AQR: variants seen among roughly 807,000 people sequenced by gnomAD.
AQR encodes the protein aquarius intron-binding spliceosomal factor, also known as RNA helicase aquarius.
In AQR, 61 loss-of-function variants were observed where a neutral mutation model predicts 180.5. The ratio of observed to expected loss-of-function variants is 0.34; its 90% CI spans 0.28 to 0.42. The LOEUF (loss-of-function observed/expected upper bound fraction) is 0.42, where lower values mean the gene tolerates loss of function less well. AQR is among the 10% of genes least tolerant of loss of function. The probability of loss-of-function intolerance (pLI) is 1.00; values close to 1 mark genes in which losing one functional copy is unlikely to be tolerated. For synonymous variants in AQR, 551 were observed against 588.8 expected (o/e 0.94, Z 0.93); for missense variants, 1,281 against 1,798.3 (o/e 0.71, Z 5.20).
chr15:34,902,442 G>A (rs995137345), intron 19 of AQR, among the ~76,000 whole-genome samples: 1 of 152,070 alleles, frequency 6.6e-6, no homozygotes, highest in Admixed American at 6.5e-5. Context: ...CTAAACATAG[G>A]CAAGTTAATC....
At position 34,945,038 on chromosome 15, in the gene AQR, A is replaced by C. The variant is rs187701261; in HGVS notation, c.331-610T>G. ...TCCTATGGACCCTTATTAACTCTCA[A>C]CTCCTTTTCACCATATTGAAGGCTC... On this transcript the variant is annotated intron_variant, in intron 5 of 34. Transcript: ENST00000156471. Among the ~76,000 whole-genome samples, 249 of 151,748 alleles carry C rather than the reference A, an allele frequency of 1.6e-3. 1 individual carries two copies. Among genetic ancestry groups the C allele is most frequent in the African/African-American group, 5.8e-3 (242 of 41,370 alleles).
In AQR at chr15:34,873,834, G is replaced by A. The variant is rs1566979841; in HGVS notation, c.3591C>T (p.Phe1197=). The change falls in exon 30 of 35, where the codon TTC becomes TTT. Residue 1197 remains phenylalanine (F), a synonymous_variant. Transcript: ENST00000156471. ...GCTTCCTATTTTTTCTTACCTGATA[G>A]AAGTAAGGATTAGGTTCAGATTCTC... The part of the protein sequence containing the change: ...GVGESEPNPY[F]YQNLGEAEYV... 1.9e-6 allele frequency: 3 copies of A among 1,574,226 alleles called. No homozygotes were observed. Among genetic ancestry groups the A allele is most frequent in the Non-Finnish European group, 2.6e-6 (3 of 1,159,978 alleles).
At chr15:34,963,364 G>T (rs190970385) in intron 2 of AQR, among the ~76,000 whole-genome samples, 3 of 152,196 alleles carry the variant, frequency 2.0e-5, no homozygotes, top group Non-Finnish European at 1.5e-5. Context: ...AATTGCTTCA[G>T]TTGGACTTAT....
At chr15:34,918,498 TTTC>T (rs1207436517) in intron 14 of AQR, 120 bp from the exon 15 acceptor site, 2 of 1,174,578 alleles carry the variant, frequency 1.7e-6, no homozygotes, top group Admixed American at 5.4e-5. Context: ...GCGATTTTTT[TTTC>T]TTTTCCTATT....
intron 22 of AQR, among the ~76,000 whole-genome samples, chr15:34,895,187 AAT>A (rs1180797707): frequency 0.028 from 367 of 12,954 alleles, 11 homozygotes; most frequent in East Asian, 0.099. Context: ...AAAAAAAAAA[AAT>A]ATATATATAT....
chr15:34,895,170 AAAAAAAAAAAAAAAAAAAT>A (rs1359365638), intron 22 of AQR, among the ~76,000 whole-genome samples: 2 of 46,256 alleles, frequency 4.3e-5, no homozygotes, highest in African/African-American at 1.2e-4. Context: ...AAAAAAAAAA[AAAAAAAAAAAAAAAAAAAT>A]ATATATATAT....
intron 27 of AQR, among the ~76,000 whole-genome samples, chr15:34,878,664 A>C (rs1217824554): frequency 6.6e-6 from 1 of 152,186 alleles, no homozygotes; most frequent in East Asian, 1.9e-4. Context: ...AATGGGTTTA[A>C]GATGATCAAC....
At chr15:34,924,932 A>G (rs1893736891) in intron 13 of AQR, among the ~76,000 whole-genome samples, 1 of 151,802 alleles carries the variant, frequency 6.6e-6, no homozygotes, top group Admixed American at 6.6e-5. Flanking sequence ...AAAAAAAAAA[A>G]AAAGGCAATA....
intron 25 of AQR, among the ~76,000 whole-genome samples, chr15:34,885,058 T>C (rs1893038641): frequency 6.6e-6 from 1 of 152,166 alleles, no homozygotes; most frequent in South Asian, 2.1e-4. Context: ...TATTAACGCT[T>C]AAAAGAAATG....
intron 9 of AQR, among the ~76,000 whole-genome samples, chr15:34,937,672 T>C (rs2140495213): frequency 6.6e-6 from 1 of 152,004 alleles, no homozygotes; most frequent in African/African-American, 2.4e-5. Flanking sequence ...CTGCCTGAGG[T>C]CAGGAGTTCG....
At chr15:34,965,090 TTC>T (rs758762356) in intron 1 of AQR, among the ~76,000 whole-genome samples, 1 of 152,220 alleles carries the variant, frequency 6.6e-6, no homozygotes, top group Non-Finnish European at 1.5e-5. Flanking sequence ...GAAATGTTAC[TTC>T]TGTGAGGCTG....
chr15:34,897,010 C>T, intron 21 of AQR, 44 bp from the exon 22 acceptor site: 5 of 1,464,718 alleles, frequency 3.4e-6, no homozygotes, highest in Middle Eastern at 1.7e-4. Context: ...ATAAATGATG[C>T]TTTGTATAAT....
intron 12 of AQR, among the ~76,000 whole-genome samples, chr15:34,928,983 A>C (rs1893807795): frequency 6.6e-6 from 1 of 152,182 alleles, no homozygotes; most frequent in Non-Finnish European, 1.5e-5. Context: ...TTGGCCACAT[A>C]AATGTCTTCC....
chr15:34,877,174 C>T (rs1892899483), intron 27 of AQR, among the ~76,000 whole-genome samples: 2 of 152,154 alleles, frequency 1.3e-5, no homozygotes, highest in Non-Finnish European at 1.5e-5. Context: ...ACTGTTCTAT[C>T]TGTCCAATTC....
Position 34,854,995 on chromosome 15 carries a change from C to T in AQR, c.*1797G>A, listed in dbSNP as rs1892568598. 1 of 152,220 alleles carries T rather than the reference C, an allele frequency of 6.6e-6. No individual in the cohort carries two copies. Among genetic ancestry groups the T allele is most frequent in the Admixed American group, 6.5e-5 (1 of 15,288 alleles). The allele number at this position is 152,220 out of a possible 1,614,324, so 9.4% of individuals were successfully genotyped here. A position where few individuals can be genotyped will look rare whatever the true frequency, so the allele number is the denominator to read the frequency against. ...CGATTCCCCATACAGATGCCCACAGCACCTGCTTTCAAAATCTTTTATCGG... is the reference window on the plus strand; with the variant it reads ...CGATTCCCCATACAGATGCCCACAGTACCTGCTTTCAAAATCTTTTATCGG... On this transcript the variant is annotated 3_prime_UTR_variant, in exon 35 of 35. Coordinates refer to ENST00000156471, the MANE Select transcript of AQR (RefSeq NM_014691.3).
intron 9 of AQR, among the ~76,000 whole-genome samples, chr15:34,935,225 T>G (rs564818101): frequency 1.5e-3 from 225 of 152,288 alleles, no homozygotes; most frequent in African/African-American, 5.3e-3. Context: ...TATATACTAT[T>G]TATGAGCATA....
At chr15:34,963,501 C>A (rs2050291661) in intron 2 of AQR, among the ~76,000 whole-genome samples, 1 of 151,948 alleles carries the variant, frequency 6.6e-6, no homozygotes, top group Non-Finnish European at 1.5e-5. Flanking sequence ...AACAAGATAA[C>A]CCAACAGATT....
Position 34,948,346 on chromosome 15 carries a change from G to C in AQR, c.248C>G (p.Pro83Arg). Reference sequence around the variant, plus strand: ...TAAATAGGCCTTGCTAGATACCTCAGGAGAATAATTCATCCAGAGATAATT... The same window carrying C: ...TAAATAGGCCTTGCTAGATACCTCACGAGAATAATTCATCCAGAGATAATT... ...LENYLWMNYSPEVSSKAYLMS... is the reference protein window; with the variant it reads ...LENYLWMNYSREVSSKAYLMS... The change falls in exon 5 of 35, where the codon CCT (proline) becomes CGT (arginine). Residue 83 changes from proline (P) to arginine (R), a missense_variant. Transcript: ENST00000156471. 1 of 1,613,186 alleles carries C rather than the reference G, an allele frequency of 6.2e-7. No homozygotes were observed. The highest frequency in any genetic ancestry group is 1.3e-5 in the African/African-American group (1 of 75,004).
chr15:34,917,290 T>A (rs1318236417), intron 15 of AQR, among the ~76,000 whole-genome samples: 2 of 152,234 alleles, frequency 1.3e-5, no homozygotes, highest in Admixed American at 1.3e-4. Flanking sequence ...TACTTATACT[T>A]GTGATGTCTT....
Sources: allele counts gnomAD v4.1 joint callset (sites outside exome capture counted in the v4.1 genomes callset), GRCh38; gene constraint gnomAD v4.1.1; transcripts MANE v1.5; gene names NCBI Gene and HGNC (gene_info 2026-07-23, HGNC 2026-07-21).